The following UNC5C variants were observed in gnomAD, a reference collection of about 807,000 sequenced individuals.
UNC5C encodes netrin receptor UNC5C.
Under a neutral mutation model 99.8 loss-of-function variants are expected in UNC5C, and 47 were observed. That is an observed-to-expected ratio of 0.47 (90% CI 0.37 to 0.60). UNC5C has a LOEUF of 0.60. UNC5C is among the 20% of genes least tolerant of loss of function. The probability of loss-of-function intolerance (pLI) is 0.00; values close to 1 mark genes in which losing one functional copy is unlikely to be tolerated. For synonymous variants in UNC5C, 487 were observed against 452.2 expected, an observed-to-expected ratio of 1.08 and a Z score of -0.98; for missense variants, 1,062 against 1,165.9, an observed-to-expected ratio of 0.91 and a Z score of 1.30.
At chr4:95,354,379 C>G (rs981356288) in intron 1 of UNC5C, among the ~76,000 whole-genome samples, 1 of 151,400 alleles carries the variant, frequency 6.6e-6, no homozygotes, top group African/African-American at 2.4e-5. Context: ...TCCAAAAACA[C>G]AGACCCTGTA....
At chr4:95,180,008 C>G (rs910607358) in intron 14 of UNC5C, among the ~76,000 whole-genome samples, 1 of 151,344 alleles carries the variant, frequency 6.6e-6, no homozygotes, top group East Asian at 1.9e-4. Flanking sequence ...ATGACAGACC[C>G]CCCCCACGGA....
chr4:95,292,488 A>G (rs1741513549), intron 3 of UNC5C, among the ~76,000 whole-genome samples: 1 of 152,058 alleles, frequency 6.6e-6, no homozygotes, highest in African/African-American at 2.4e-5. Context: ...CTACATTGTG[A>G]CAGGAATCAC....
At chr4:95,299,433 A>T (rs1014926885) in intron 3 of UNC5C, among the ~76,000 whole-genome samples, 1 of 152,220 alleles carries the variant, frequency 6.6e-6, no homozygotes, top group Non-Finnish European at 1.5e-5. Flanking sequence ...GGAGCCCTAG[A>T]AAACTAATTC....
In UNC5C at chr4:95,168,246, G is replaced by A. The variant is rs891357485; in HGVS notation, c.*988C>T. The stretch of plus-strand genomic sequence containing the variant: ...AGCATTTATCAATCACCTTTCTGGG[G>A]TGGAATAAGGGAAAGGTAAAAGGTC... On this transcript the variant is annotated 3_prime_UTR_variant, in exon 16 of 16. Transcript: ENST00000453304. The A allele has an allele frequency of 1.3e-5, 2 of 152,162 alleles. No homozygotes were observed. Among genetic ancestry groups the A allele is most frequent in the Admixed American group, 6.5e-5 (1 of 15,274 alleles). The allele number at this position is 152,162 out of a possible 1,614,324, so 9.4% of individuals were successfully genotyped here.
At chr4:95,385,026 CA>C (rs67464102) in intron 1 of UNC5C, among the ~76,000 whole-genome samples, 48,897 of 151,620 alleles carry the variant, frequency 0.32, 8,551 homozygotes, top group East Asian at 0.74. Flanking sequence ...TATTTGTGCC[CA>C]GGGGGAGGTC....
At chr4:95,535,900 A>G (rs2149494215) in intron 1 of UNC5C, among the ~76,000 whole-genome samples, 1 of 152,140 alleles carries the variant, frequency 6.6e-6, no homozygotes, top group Non-Finnish European at 1.5e-5. Flanking sequence ...GGAAAAAAAG[A>G]GACTTAAAGC....
chr4:95,351,840 C>T (rs563856764), intron 1 of UNC5C, among the ~76,000 whole-genome samples: 1 of 152,156 alleles, frequency 6.6e-6, no homozygotes, highest in African/African-American at 2.4e-5. Context: ...TAAGATGACA[C>T]CTCTGAATAC....
At chr4:95,380,417 T>A (rs1745035175) in intron 1 of UNC5C, among the ~76,000 whole-genome samples, 1 of 151,686 alleles carries the variant, frequency 6.6e-6, no homozygotes, top group Non-Finnish European at 1.5e-5. Flanking sequence ...ATTGCTATTT[T>A]TCCTCATGTC....
chr4:95,220,678 C>T (rs1177292487), intron 7 of UNC5C, among the ~76,000 whole-genome samples: 1 of 152,130 alleles, frequency 6.6e-6, no homozygotes, highest in Non-Finnish European at 1.5e-5. Context: ...TCACTTTCCC[C>T]TAAATCAATG....
intron 1 of UNC5C, among the ~76,000 whole-genome samples, chr4:95,491,421 A>G (rs181772348): frequency 6.6e-6 from 1 of 151,784 alleles, no homozygotes; most frequent in Non-Finnish European, 1.5e-5. Context: ...TGAACATTTT[A>G]AAGACTTACA....
intron 3 of UNC5C, among the ~76,000 whole-genome samples, chr4:95,295,227 T>C (rs1741632109): frequency 6.6e-6 from 1 of 152,176 alleles, no homozygotes; most frequent in Admixed American, 6.5e-5. Context: ...AACAACCCCA[T>C]GATGACACTG....
rs370536408 is a variant in UNC5C at position 95,246,295 on chromosome 4, G to A, written c.776-1151C>T. 3.9e-4 allele frequency among the ~76,000 whole-genome samples: 59 copies of A among 152,256 alleles called. No individual in the cohort carries two copies. In the South Asian group the frequency reaches 0.011, roughly 29 times the overall value. On this transcript the variant is annotated intron_variant, in intron 5 of 15. Coordinates refer to ENST00000453304, the MANE Select transcript of UNC5C (RefSeq NM_003728.4). ...CATGAGGCTGGGTGCAGTGGCTCAT[G>A]CTTGTAACCCAAGCACTTTGGGAAG...
At chr4:95,369,951 T>A (rs1381962971) in intron 1 of UNC5C, among the ~76,000 whole-genome samples, 1 of 151,930 alleles carries the variant, frequency 6.6e-6, no homozygotes, top group East Asian at 1.9e-4. Context: ...CCAGAATAAC[T>A]TTACCATCTG....
At position 95,216,225 on chromosome 4, in the gene UNC5C, G is replaced by A; in HGVS notation, c.1646-14C>T. On this transcript the variant is annotated splice_polypyrimidine_tract_variant and intron_variant, in intron 9 of 15. Transcript: ENST00000453304. ...GCAAGCTGACTCCTGAATAGCAAAA[G>A]AGAAAAGCAGTCATTTAAGACTTTT... The A allele has an allele frequency of 1.2e-6, 2 of 1,605,494 alleles. No individual in the cohort carries two copies. Among genetic ancestry groups the A allele is most frequent in the Non-Finnish European group, 1.7e-6 (2 of 1,175,870 alleles).
chr4:95,369,002 C>T (rs549667391), intron 1 of UNC5C, among the ~76,000 whole-genome samples: 40 of 151,828 alleles, frequency 2.6e-4, no homozygotes, highest in African/African-American at 8.7e-4. Context: ...ACTGCATCCT[C>T]GACATCCACT....
chr4:95,170,320 T>A lies in UNC5C; in HGVS notation c.2464A>T (p.Ile822Phe). The A allele has an allele frequency of 6.2e-7, 1 of 1,614,138 alleles. No individual in the cohort carries two copies. The highest frequency in any genetic ancestry group is 8.5e-7 in the Non-Finnish European group (1 of 1,179,976). The change falls in exon 15 of 16, where the codon ATC becomes TTC. Residue 822 changes from isoleucine (I) to phenylalanine (F), a missense_variant. Physicochemically the swap from Ile to Phe is conservative, Grantham distance 21. This residue lies in a region of UNC5C where 810 missense variants were observed against 854.5 expected (regional missense o/e 0.95). Coordinates refer to ENST00000453304, the MANE Select transcript of UNC5C (RefSeq NM_003728.4). ...GCAGGATCCAGCAGCGGCAAATCGATGCCAGTAGGTTCCTGTAGTTCAGGG... is the reference window on the plus strand; with the variant it reads ...GCAGGATCCAGCAGCGGCAAATCGAAGCCAGTAGGTTCCTGTAGTTCAGGG... ...NCTVSEEPTG[I>F]DLPLLDPANT... is the part of the protein sequence containing the mutation.
At chr4:95,216,329 A>C in intron 9 of UNC5C, 118 bp from the exon 10 acceptor site, 1 of 724,104 alleles carries the variant, frequency 1.4e-6, no homozygotes, top group Non-Finnish European at 2.2e-6. Flanking sequence ...AGACATGTAA[A>C]TATTCCGAGT....
chr4:95,484,252 C>T (rs1214749310), intron 1 of UNC5C, among the ~76,000 whole-genome samples: 1 of 151,800 alleles, frequency 6.6e-6, no homozygotes, highest in Non-Finnish European at 1.5e-5. Flanking sequence ...AAAATGCATC[C>T]ATTCAAAGAT....
intron 1 of UNC5C, among the ~76,000 whole-genome samples, chr4:95,503,276 G>T (rs879750524): frequency 1.3e-5 from 2 of 152,010 alleles, no homozygotes; most frequent in Non-Finnish European, 2.9e-5. Context: ...GAATAACACA[G>T]CAAGAAGGCC....
Sources: allele counts gnomAD v4.1 joint callset (sites outside exome capture counted in the v4.1 genomes callset), GRCh38; gene constraint gnomAD v4.1.1; regional missense constraint gnomAD v4.1.1; transcripts MANE v1.5; gene names NCBI Gene and HGNC (gene_info 2026-07-23, HGNC 2026-07-21).